RIGI: variants seen among roughly 807,000 people sequenced by gnomAD.
RIGI encodes the protein RNA sensor RIG-I, also known as antiviral innate immune response receptor RIG-I.
At chr9:32,475,648 G>A in the RIGI span, among the ~76,000 whole-genome samples, 26 of 151,880 alleles carry the variant, frequency 1.7e-4, no homozygotes, top group South Asian at 2.1e-4. Context: ...AATACCTCAC[G>A]CCTTATACAA....
At chr9:32,478,509 G>C in the RIGI span, among the ~76,000 whole-genome samples, 1 of 152,146 alleles carries the variant, frequency 6.6e-6, no homozygotes, top group Non-Finnish European at 1.5e-5. Flanking sequence ...TCACTACAGT[G>C]GGAGCAGTTA....
At chr9:32,461,479 A>G in the RIGI span, among the ~76,000 whole-genome samples, 1 of 152,216 alleles carries the variant, frequency 6.6e-6, no homozygotes. Context: ...AGGTGGATCC[A>G]GACAGCCTAG....
chr9:32,493,638 C>A, the RIGI span: 3 of 616,172 alleles, frequency 4.9e-6, no homozygotes, highest in East Asian at 3.3e-5. Flanking sequence ...AAAAAAAGTA[C>A]TATTCTATGA....
the RIGI span, among the ~76,000 whole-genome samples, chr9:32,486,090 A>G: frequency 6.6e-6 from 1 of 152,192 alleles, no homozygotes; most frequent in Non-Finnish European, 1.5e-5. Context: ...TGCTCCATAC[A>G]GGGCTGTGAT....
At chr9:32,501,345 A>AT in the RIGI span, among the ~76,000 whole-genome samples, 22 of 50,166 alleles carry the variant, frequency 4.4e-4, no homozygotes, top group African/African-American at 7.9e-4. Context: ...AAAAAAAAAA[A>AT]ATTTTTTTAA....
chr9:32,498,323 C>T, the RIGI span: 3 of 456,706 alleles, frequency 6.6e-6, no homozygotes, highest in Middle Eastern at 3.3e-4. Flanking sequence ...TGCCCAGGTG[C>T]ATGCTTCTAC....
the RIGI span, among the ~76,000 whole-genome samples, chr9:32,508,481 TGGG>T: frequency 6.6e-6 from 1 of 151,942 alleles, no homozygotes; most frequent in Non-Finnish European, 1.5e-5. Context: ...TCACCTCACC[TGGG>T]AAGCACAAGG....
At chr9:32,508,863 G>A in the RIGI span, among the ~76,000 whole-genome samples, 6 of 152,084 alleles carry the variant, frequency 3.9e-5, no homozygotes, top group African/African-American at 1.2e-4. Context: ...TGAAATTCTC[G>A]CTGCCAGCAC....
At chr9:32,520,912 G>A in the RIGI span, among the ~76,000 whole-genome samples, 3 of 151,220 alleles carry the variant, frequency 2.0e-5, no homozygotes, top group East Asian at 1.9e-4. Context: ...TTGGGAGGCC[G>A]AGGCAGGCGG....
chr9:32,496,520 G>C, the RIGI span, among the ~76,000 whole-genome samples: 1 of 152,138 alleles, frequency 6.6e-6, no homozygotes, highest in Non-Finnish European at 1.5e-5. Flanking sequence ...TTTTGCCCTT[G>C]GACATCAGAG....
the RIGI span, chr9:32,487,431 G>A: frequency 6.2e-7 from 1 of 1,600,376 alleles, no homozygotes; most frequent in Middle Eastern, 1.7e-4. Flanking sequence ...GTAGTAGAGA[G>A]TAACAGAATC....
chr9:32,497,287 C>A, the RIGI span, among the ~76,000 whole-genome samples: 2 of 151,936 alleles, frequency 1.3e-5, no homozygotes, highest in East Asian at 3.9e-4. Flanking sequence ...GTATTTTAAT[C>A]TTTTTAATGC....
At chr9:32,459,564 G>C in the RIGI span, 5 of 1,561,076 alleles carry the variant, frequency 3.2e-6, no homozygotes, top group South Asian at 5.8e-5. Context: ...AACATATATA[G>C]CAAGAAACAG....
the RIGI span, chr9:32,489,426 G>A: frequency 6.2e-7 from 1 of 1,612,992 alleles, no homozygotes; most frequent in South Asian, 1.1e-5. Flanking sequence ...GTTTAAATGG[G>A]CTGTACAAGT....
At chr9:32,464,515 G>A in the RIGI span, among the ~76,000 whole-genome samples, 4 of 152,024 alleles carry the variant, frequency 2.6e-5, no homozygotes, top group South Asian at 2.1e-4. Flanking sequence ...TCAGCCTCCC[G>A]AGTAGCTGGG....
At chr9:32,524,434 C>T in the RIGI span, among the ~76,000 whole-genome samples, 5 of 152,160 alleles carry the variant, frequency 3.3e-5, no homozygotes, top group Middle Eastern at 3.4e-3. Context: ...ACTAGAATGC[C>T]ATTCCACAAC....
chr9:32,488,172 C>A, the RIGI span: 1 of 1,614,038 alleles, frequency 6.2e-7, no homozygotes, highest in South Asian at 1.1e-5. Context: ...ACATTCTCAG[C>A]TGTTGCTCCA....
At chr9:32,466,290 C>T in the RIGI span, 1 of 1,613,180 alleles carries the variant, frequency 6.2e-7, no homozygotes, top group East Asian at 2.2e-5. Context: ...GTAGACTTAC[C>T]TTTTCCCTAA....
chr9:32,463,625 C>T, the RIGI span, among the ~76,000 whole-genome samples: 1 of 152,002 alleles, frequency 6.6e-6, no homozygotes, highest in Admixed American at 6.5e-5. Context: ...ATACTTAAAA[C>T]TAAGTAAAAA....
Sources: gnomAD v4.1 joint callset for allele counts (sites outside exome capture counted in the v4.1 genomes callset) on GRCh38, gnomAD v4.1.1 for gene constraint, MANE v1.5 for transcripts, NCBI Gene and HGNC (gene_info 2026-07-23, HGNC 2026-07-21) for gene names.